The following PDE4D variants were observed in gnomAD, a reference collection of about 807,000 sequenced individuals.
The protein encoded by PDE4D is phosphodiesterase 4D, also known as 3',5'-cyclic-AMP phosphodiesterase 4D.
PDE4D carries 24 observed loss-of-function variants against 87.4 expected under a neutral mutation model. That is an observed-to-expected ratio of 0.27 (90% CI 0.20 to 0.39). The LOEUF (loss-of-function observed/expected upper bound fraction) is 0.39, where lower values mean the gene tolerates loss of function less well. Ranked by LOEUF, PDE4D falls within the 10% of genes least tolerant of loss-of-function variation. The probability of loss-of-function intolerance (pLI) is 1.00; values close to 1 mark genes in which losing one functional copy is unlikely to be tolerated. For missense variants in PDE4D, 714 were observed against 1,041.0 expected (o/e 0.69, Z 4.32); for synonymous variants, 384 against 383.2 (o/e 1.00, Z -0.02).
intron 1 of PDE4D, among the ~76,000 whole-genome samples, chr5:59,392,019 T>A (rs1788331974): frequency 6.6e-6 from 1 of 150,824 alleles, no homozygotes; most frequent in African/African-American, 2.4e-5. Context: ...GAATATAAAC[T>A]CCACAAGGGT....
chr5:59,760,235 TAA>T lies in PDE4D; in HGVS notation c.455+132931_455+132932del, dbSNP rs201360456. On this transcript the variant is annotated intron_variant, in intron 1 of 14. Coordinates refer to ENST00000340635, the MANE Select transcript of PDE4D (RefSeq NM_001104631.2). ...CTTTACATCTAATGCCAATGCCTGA[TAA>T]AGAGAAATTTATAGTAAACAAAAAA... Among the ~76,000 whole-genome samples the T allele has an allele frequency of 6.5e-3, 995 of 152,314 alleles. 9 individuals carry two copies. Among genetic ancestry groups the T allele is most frequent in the African/African-American group, 0.023 (951 of 41,572 alleles).
chr5:60,417,887 CAA>C (rs1178766560), intron 1 of PDE4D, among the ~76,000 whole-genome samples: 1 of 146,550 alleles, frequency 6.8e-6, no homozygotes, highest in Admixed American at 6.8e-5. Context: ...AAAGGGAATG[CAA>C]GAGAGAGGGA....
At chr5:60,016,998 A>T (rs1765578731) in intron 2 of PDE4D, among the ~76,000 whole-genome samples, 1 of 152,242 alleles carries the variant, frequency 6.6e-6, no homozygotes, top group Admixed American at 6.5e-5. Context: ...TTTCTTAAAT[A>T]GTATGACTTG....
chr5:59,329,035 G>A (rs936011286), intron 1 of PDE4D, among the ~76,000 whole-genome samples: 13 of 152,146 alleles, frequency 8.5e-5, no homozygotes, highest in Admixed American at 1.3e-4. Context: ...GTGGATCACC[G>A]ACTGCATCCT....
At chr5:59,888,250 G>T (rs1181641660) in intron 1 of PDE4D, among the ~76,000 whole-genome samples, 5 of 152,178 alleles carry the variant, frequency 3.3e-5, no homozygotes, top group African/African-American at 9.7e-5. Flanking sequence ...CCTGCTTGGG[G>T]ATTTGTTCCT....
chr5:59,910,817 G>A (rs909628028), intron 3 of PDE4D, among the ~76,000 whole-genome samples: 2 of 152,164 alleles, frequency 1.3e-5, no homozygotes, highest in Non-Finnish European at 2.9e-5. Flanking sequence ...TGTCTTAAAT[G>A]TAAAGTCAGA....
chr5:59,123,658 C>T (rs1561525234), intron 5 of PDE4D, among the ~76,000 whole-genome samples: 1 of 152,150 alleles, frequency 6.6e-6, no homozygotes, highest in Non-Finnish European at 1.5e-5. Flanking sequence ...TAAAGCTCTA[C>T]TCCATTGCAG....
At chr5:59,907,192 T>C (rs987659450) in intron 3 of PDE4D, among the ~76,000 whole-genome samples, 1 of 152,152 alleles carries the variant, frequency 6.6e-6, no homozygotes, top group Admixed American at 6.6e-5. Flanking sequence ...TTTTTTGACT[T>C]TTTAATCACA....
chr5:59,595,161 T>C (rs1299647598), intron 1 of PDE4D, among the ~76,000 whole-genome samples: 19 of 152,218 alleles, frequency 1.2e-4, no homozygotes, highest in Non-Finnish European at 7.4e-5. Flanking sequence ...GTAATGTCAA[T>C]AGATTCCATT....
intron 2 of PDE4D, among the ~76,000 whole-genome samples, chr5:60,092,629 C>T (rs1011437970): frequency 9.4e-5 from 14 of 149,550 alleles, no homozygotes; most frequent in South Asian, 2.1e-4. Flanking sequence ...GACTTCTGCA[C>T]GCTAAAAAAA....
chr5:60,000,124 CA>C (rs1425973652), intron 2 of PDE4D, among the ~76,000 whole-genome samples: 2 of 151,622 alleles, frequency 1.3e-5, no homozygotes, highest in African/African-American at 4.8e-5. Context: ...ACACATAATG[CA>C]AATCTGAGAA....
At chr5:59,885,901 GGCTC>G in intron 1 of PDE4D, among the ~76,000 whole-genome samples, 1 of 151,896 alleles carries the variant, frequency 6.6e-6, no homozygotes, top group Non-Finnish European at 1.5e-5. Context: ...AGACCTTTTT[GGCTC>G]AAGTCCAAGT....
At position 59,869,170 on chromosome 5, in the gene PDE4D, T is replaced by C. The variant is rs183496519; in HGVS notation, c.455+23998A>G. On this transcript the variant is annotated intron_variant, in intron 1 of 14. Transcript: ENST00000340635. ...ATGAAAAAAATCTCATAAGCTGCTA[T>C]GGATGAAATAAAACTACAGTAAGCT... is the stretch of plus-strand genomic sequence containing the variant. 6.3e-4 allele frequency among the ~76,000 whole-genome samples: 96 copies of C among 152,236 alleles called. 1 individual carries two copies. The highest frequency in any genetic ancestry group is 6.8e-3 in the Middle Eastern group (2 of 294).
chr5:59,546,445 C>A (rs992809310), intron 1 of PDE4D, among the ~76,000 whole-genome samples: 1 of 151,920 alleles, frequency 6.6e-6, no homozygotes, highest in African/African-American at 2.4e-5. Context: ...TCTTCTCACC[C>A]ACTAAAAAAA....
intron 1 of PDE4D, among the ~76,000 whole-genome samples, chr5:59,794,010 CAT>C (rs1042325584): frequency 5.9e-5 from 9 of 152,110 alleles, no homozygotes; most frequent in African/African-American, 1.7e-4. Context: ...ACATTGCACT[CAT>C]GTGTATACAC....
At chr5:59,992,307 T>TGGG (rs1763089564) in intron 2 of PDE4D, among the ~76,000 whole-genome samples, 1 of 152,218 alleles carries the variant, frequency 6.6e-6, no homozygotes, top group Non-Finnish European at 1.5e-5. Context: ...CCACTTTACT[T>TGGG]ACTTTTGAAG....
chr5:59,780,995 T>A (rs978362533), intron 1 of PDE4D, among the ~76,000 whole-genome samples: 2 of 151,862 alleles, frequency 1.3e-5, no homozygotes, highest in Non-Finnish European at 2.9e-5. Context: ...GGTGAAACCC[T>A]GTCTCTACTA....
chr5:59,333,261 T>C (rs911124830), intron 1 of PDE4D, among the ~76,000 whole-genome samples: 2 of 152,096 alleles, frequency 1.3e-5, no homozygotes, highest in African/African-American at 4.8e-5. Context: ...GGGATCTCTG[T>C]TATCTTCTTT....
intron 1 of PDE4D, among the ~76,000 whole-genome samples, chr5:60,325,087 G>A (rs559476032): frequency 7.9e-5 from 12 of 152,252 alleles, no homozygotes; most frequent in Admixed American, 5.2e-4. Context: ...CTAGAGAATG[G>A]ATATTATATT....
Sources: allele counts gnomAD v4.1 joint callset (sites outside exome capture counted in the v4.1 genomes callset), GRCh38; gene constraint gnomAD v4.1.1; transcripts MANE v1.5; gene names NCBI Gene and HGNC (gene_info 2026-07-23, HGNC 2026-07-21).